The following RAD51B variants were observed in gnomAD, a reference collection of about 807,000 sequenced individuals.
The protein encoded by RAD51B is RAD51 paralog B.
RAD51B carries 38 observed loss-of-function variants against 42.2 expected under a neutral mutation model. That is an observed-to-expected ratio of 0.90 (90% CI 0.70 to 1.18). The LOEUF (loss-of-function observed/expected upper bound fraction) is 1.18, where lower values mean the gene tolerates loss of function less well. Ranked by LOEUF, RAD51B falls within the 50% of genes most tolerant of loss-of-function variation. The probability of loss-of-function intolerance (pLI) is 0.00; values close to 1 mark genes in which losing one functional copy is unlikely to be tolerated. For missense variants in RAD51B, 373 were observed against 400.7 expected (o/e 0.93, Z 0.59); for synonymous variants, 154 against 145.2 (o/e 1.06, Z -0.43).
chr14:68,137,878 G>T (rs973256870), intron 7 of RAD51B, among the ~76,000 whole-genome samples: 4 of 152,166 alleles, frequency 2.6e-5, no homozygotes, highest in Admixed American at 2.0e-4. Context: ...CAGATGAGGC[G>T]CTCCATTAGT....
At chr14:68,143,036 A>T (rs559891727) in intron 7 of RAD51B, among the ~76,000 whole-genome samples, 37 of 151,502 alleles carry the variant, frequency 2.4e-4, no homozygotes, top group African/African-American at 8.0e-4. Context: ...GGGAGTTATT[A>T]TGCTGTCTGA....
rs117560832 is a variant in RAD51B, at chr14:68,046,838, T to A, written c.756+159634T>A. Among the ~76,000 whole-genome samples, 927 of 152,304 alleles carry A rather than the reference T, an allele frequency of 6.1e-3. 9 individuals are homozygous for A. The highest frequency in any genetic ancestry group is 0.017 in the Middle Eastern group (5 of 294). On this transcript the variant is annotated intron_variant, in intron 7 of 10. Coordinates refer to ENST00000471583, the MANE Select transcript of RAD51B (RefSeq NM_133510.4). ...AGATAAAATTATATTGAAGTCCAGT[T>A]TAAGCTCATTGGATGAAGGATATTG...
intron 9 of RAD51B, among the ~76,000 whole-genome samples, chr14:68,417,928 G>A (rs1185452659): frequency 1.3e-5 from 2 of 152,158 alleles, no homozygotes; most frequent in Admixed American, 6.5e-5. Flanking sequence ...TGACTCCCAC[G>A]CTGGAGATGA....
chr14:67,908,149 A>G (rs1472797146), intron 7 of RAD51B, among the ~76,000 whole-genome samples: 1 of 152,198 alleles, frequency 6.6e-6, no homozygotes, highest in Non-Finnish European at 1.5e-5. Flanking sequence ...GATACATAGG[A>G]ATCACCTGTG....
chr14:68,548,309 G>T, intron 10 of RAD51B, among the ~76,000 whole-genome samples: 1 of 151,854 alleles, frequency 6.6e-6, no homozygotes, highest in East Asian at 1.9e-4. Flanking sequence ...TCCCAGCCCA[G>T]CCCAGCCCTG....
intron 7 of RAD51B, among the ~76,000 whole-genome samples, chr14:67,906,732 TG>T (rs2043792568): frequency 6.6e-6 from 1 of 152,106 alleles, no homozygotes; most frequent in Admixed American, 6.6e-5. Context: ...GTGGGGTTGC[TG>T]GTAATGTCCC....
intron 11 of RAD51B, among the ~76,000 whole-genome samples, chr14:68,678,266 C>T (rs1044034490): frequency 2.6e-5 from 4 of 152,216 alleles, no homozygotes; most frequent in Non-Finnish European, 5.9e-5. Context: ...AACACCCCCT[C>T]AAGTCTTTGA....
chr14:68,056,838 G>C (rs1323542084), intron 7 of RAD51B, among the ~76,000 whole-genome samples: 1 of 152,014 alleles, frequency 6.6e-6, no homozygotes, highest in African/African-American at 2.4e-5. Context: ...CAACACTTTG[G>C]GAAGCTGAGG....
Position 68,014,204 on chromosome 14 carries a change from T to C in RAD51B, c.756+127000T>C, listed in dbSNP as rs866250206. On this transcript the variant is annotated intron_variant, in intron 7 of 10. Transcript: ENST00000471583. ...CCTCTCCTTTTCTTTTCTTTCTTTT[T>C]TTTTTTTTTTCCCATTAACAGTTGA... is the stretch of plus-strand genomic sequence containing the variant. 7.9e-3 allele frequency among the ~76,000 whole-genome samples: 1,206 copies of C among 151,780 alleles called. 14 individuals carry two copies. The highest frequency in any genetic ancestry group is 0.027 in the African/African-American group (1,127 of 41,462).
At chr14:67,854,752 C>T (rs968046136) in intron 4 of RAD51B, among the ~76,000 whole-genome samples, 4 of 151,740 alleles carry the variant, frequency 2.6e-5, no homozygotes, top group Admixed American at 6.6e-5. Flanking sequence ...CGCTTGAGGC[C>T]AGGAGTTTGA....
At chr14:68,622,178 G>A (rs1310518632) in intron 10 of RAD51B, among the ~76,000 whole-genome samples, 1 of 152,204 alleles carries the variant, frequency 6.6e-6, no homozygotes, top group Non-Finnish European at 1.5e-5. Context: ...GCAATCGTCT[G>A]GTCCTGGCTG....
chr14:67,851,296 C>T (rs1280531269), intron 4 of RAD51B, among the ~76,000 whole-genome samples: 1 of 152,002 alleles, frequency 6.6e-6, no homozygotes, highest in Non-Finnish European at 1.5e-5. Context: ...CAGGTCCTGG[C>T]TGTGATGGGA....
chr14:68,252,510 C>T (rs759280419), intron 7 of RAD51B, among the ~76,000 whole-genome samples: 6 of 152,222 alleles, frequency 3.9e-5, no homozygotes, highest in Non-Finnish European at 5.9e-5. Context: ...CATGTATGTG[C>T]ACACACATGT....
At chr14:67,960,779 C>T (rs962095112) in intron 7 of RAD51B, among the ~76,000 whole-genome samples, 7 of 152,126 alleles carry the variant, frequency 4.6e-5, no homozygotes, top group Non-Finnish European at 1.5e-5. Context: ...AGCAATCCTC[C>T]AACCTCTGCC....
intron 7 of RAD51B, among the ~76,000 whole-genome samples, chr14:67,930,510 A>G (rs763011704): frequency 6.6e-6 from 1 of 152,052 alleles, no homozygotes; most frequent in Non-Finnish European, 1.5e-5. Flanking sequence ...TGGCACTTTG[A>G]ATATATAACC....
intron 9 of RAD51B, among the ~76,000 whole-genome samples, chr14:68,433,240 C>G (rs914974693): frequency 6.6e-6 from 1 of 152,106 alleles, no homozygotes; most frequent in African/African-American, 2.4e-5. Context: ...AGTTGCTCTT[C>G]TTGAGGAGTA....
chr14:67,851,980 G>A (rs2041823568), intron 4 of RAD51B, among the ~76,000 whole-genome samples: 1 of 152,044 alleles, frequency 6.6e-6, no homozygotes, highest in Non-Finnish European at 1.5e-5. Flanking sequence ...GCTGCATCCT[G>A]CTGGAGGTCT....
At chr14:68,037,978 T>C (rs2076160535) in intron 7 of RAD51B, among the ~76,000 whole-genome samples, 1 of 152,252 alleles carries the variant, frequency 6.6e-6, no homozygotes, top group Admixed American at 6.5e-5. Context: ...CCTTTTGATA[T>C]AAACTGGTTA....
chr14:68,462,291 G>T (rs2085864621), intron 9 of RAD51B, among the ~76,000 whole-genome samples: 1 of 152,204 alleles, frequency 6.6e-6, no homozygotes, highest in South Asian at 2.1e-4. Flanking sequence ...AGGCTTCCCT[G>T]TATTGTCTGT....
Sources: allele counts gnomAD v4.1 joint callset (sites outside exome capture counted in the v4.1 genomes callset), GRCh38; gene constraint gnomAD v4.1.1; transcripts MANE v1.5; gene names NCBI Gene and HGNC (gene_info 2026-07-23, HGNC 2026-07-21).